The following ARK2C variants were observed in gnomAD, a reference collection of about 807,000 sequenced individuals.
ARK2C encodes E3 ubiquitin-protein ligase ARK2C.
chr18:46,401,652 T>C, the ARK2C span, among the ~76,000 whole-genome samples: 1 of 152,192 alleles, frequency 6.6e-6, no homozygotes, highest in Admixed American at 6.5e-5. Context: ...CTGAGCCCTC[T>C]TGAACAAATT....
the ARK2C span, among the ~76,000 whole-genome samples, chr18:46,349,443 A>G: frequency 6.6e-6 from 1 of 152,148 alleles, no homozygotes; most frequent in Admixed American, 6.5e-5. Context: ...CTTCTCGAAG[A>G]CCCCATCTTT....
the ARK2C span, chr18:46,461,311 C>T: frequency 6.6e-6 from 1 of 152,182 alleles, no homozygotes; most frequent in Non-Finnish European, 1.5e-5. Context: ...CCGTGGGAAA[C>T]CACTGTGCTG....
chr18:46,460,053 C>A, the ARK2C span: 1 of 152,718 alleles, frequency 6.5e-6, no homozygotes, highest in African/African-American at 2.4e-5. Context: ...CTGGCCAGGA[C>A]CCCCTTCGGC....
the ARK2C span, among the ~76,000 whole-genome samples, chr18:46,347,298 C>G: frequency 6.6e-5 from 10 of 152,136 alleles, no homozygotes; most frequent in Non-Finnish European, 1.3e-4. Flanking sequence ...AGCATCGGGC[C>G]CTCTCATTTC....
At chr18:46,452,392 A>G in the ARK2C span, among the ~76,000 whole-genome samples, 1 of 152,042 alleles carries the variant, frequency 6.6e-6, no homozygotes, top group Non-Finnish European at 1.5e-5. Context: ...CAATTCTCCC[A>G]CGTCAGCCTC....
chr18:46,398,144 T>TGG, the ARK2C span, among the ~76,000 whole-genome samples: 1 of 145,458 alleles, frequency 6.9e-6, no homozygotes, highest in African/African-American at 2.6e-5. Context: ...GGTGTGTGTG[T>TGG]GGCCATGCAG....
chr18:46,367,268 A>G, the ARK2C span, among the ~76,000 whole-genome samples: 1 of 152,274 alleles, frequency 6.6e-6, no homozygotes, highest in African/African-American at 2.4e-5. Flanking sequence ...CTTTCCAGGT[A>G]TAGGGTAGAC....
the ARK2C span, among the ~76,000 whole-genome samples, chr18:46,455,052 A>C: frequency 6.6e-6 from 1 of 152,266 alleles, no homozygotes; most frequent in Non-Finnish European, 1.5e-5. Flanking sequence ...AATAATCAGC[A>C]TAAAATGAAA....
At chr18:46,432,456 T>C in the ARK2C span, among the ~76,000 whole-genome samples, 3 of 152,186 alleles carry the variant, frequency 2.0e-5, no homozygotes, top group Non-Finnish European at 4.4e-5. Context: ...TAGGGCTCCA[T>C]ATGGATTGAG....
the ARK2C span, among the ~76,000 whole-genome samples, chr18:46,455,169 A>G: frequency 1.3e-5 from 2 of 152,212 alleles, no homozygotes; most frequent in African/African-American, 2.4e-5. Context: ...CCAACAATAT[A>G]AATAGTTTAT....
the ARK2C span, among the ~76,000 whole-genome samples, chr18:46,343,830 C>T: frequency 6.6e-6 from 1 of 152,282 alleles, no homozygotes; most frequent in South Asian, 2.1e-4. Context: ...GGGAAGGGAG[C>T]AGTAATTGCC....
the ARK2C span, among the ~76,000 whole-genome samples, chr18:46,368,292 T>A: frequency 1.8e-4 from 28 of 152,172 alleles, no homozygotes; most frequent in Admixed American, 1.6e-3. Context: ...GAGGCCTAAA[T>A]AAAGAATAAA....
At chr18:46,452,331 G>A in the ARK2C span, among the ~76,000 whole-genome samples, 3 of 152,204 alleles carry the variant, frequency 2.0e-5, no homozygotes, top group Admixed American at 6.5e-5. Context: ...CCAGGCTGGA[G>A]TGCAGTGGCA....
the ARK2C span, among the ~76,000 whole-genome samples, chr18:46,436,615 T>G: frequency 6.6e-6 from 1 of 152,190 alleles, no homozygotes; most frequent in East Asian, 1.9e-4. Flanking sequence ...CAGAGAATAG[T>G]TCCAGTCAGT....
At chr18:46,364,505 C>T in the ARK2C span, among the ~76,000 whole-genome samples, 1 of 152,094 alleles carries the variant, frequency 6.6e-6, no homozygotes, top group African/African-American at 2.4e-5. Flanking sequence ...GTGATGCCGA[C>T]AGACAAGGTG....
At chr18:46,412,369 A>T in the ARK2C span, among the ~76,000 whole-genome samples, 1 of 152,240 alleles carries the variant, frequency 6.6e-6, no homozygotes, top group Non-Finnish European at 1.5e-5. Flanking sequence ...GTTACCACTA[A>T]GCCTGCAGGC....
the ARK2C span, among the ~76,000 whole-genome samples, chr18:46,383,221 T>C: frequency 6.6e-6 from 1 of 152,188 alleles, no homozygotes; most frequent in Non-Finnish European, 1.5e-5. Flanking sequence ...GCAGTGGGTG[T>C]TGGGGGCTGA....
At chr18:46,353,061 G>T in the ARK2C span, among the ~76,000 whole-genome samples, 9 of 152,306 alleles carry the variant, frequency 5.9e-5, no homozygotes, top group South Asian at 1.7e-3. Context: ...CTCCAAGTTG[G>T]TGTCAAACCA....
the ARK2C span, among the ~76,000 whole-genome samples, chr18:46,414,193 A>G: frequency 1.3e-5 from 2 of 152,234 alleles, no homozygotes; most frequent in Non-Finnish European, 2.9e-5. Flanking sequence ...AAGGCCACAT[A>G]GTGAGTGACT....
Sources: allele counts gnomAD v4.1 joint callset (sites outside exome capture counted in the v4.1 genomes callset), GRCh38; gene constraint gnomAD v4.1.1; transcripts MANE v1.5; gene names NCBI Gene and HGNC (gene_info 2026-07-23, HGNC 2026-07-21).